The following RIN2 variants were observed in gnomAD, a reference collection of about 807,000 sequenced individuals.
RIN2 encodes Ras and Rab interactor 2.
RIN2 carries 36 observed loss-of-function variants against 78.0 expected under a neutral mutation model. The ratio of observed to expected loss-of-function variants is 0.46; its 90% confidence interval spans 0.35 to 0.61. The LOEUF (loss-of-function observed/expected upper bound fraction) is 0.61. RIN2 is among the 20% of genes least tolerant of loss of function. The pLI is 0.00. For synonymous variants in RIN2, 466 were observed against 466.8 expected (o/e 1.00, Z 0.02); for missense variants, 1,087 against 1,159.7 (o/e 0.94, Z 0.91).
At chr20:19,864,058 T>C (rs1334375666) in intron 2 of RIN2, among the ~76,000 whole-genome samples, 1 of 151,384 alleles carries the variant, frequency 6.6e-6, no homozygotes, top group Non-Finnish European at 1.5e-5. Context: ...GACACAGATA[T>C]GCATATGATA....
At chr20:19,897,715 T>TC (rs1195446204) in intron 3 of RIN2, among the ~76,000 whole-genome samples, 1 of 151,558 alleles carries the variant, frequency 6.6e-6, no homozygotes, top group Admixed American at 6.6e-5. Flanking sequence ...ACTGTTGGCT[T>TC]CTTTTTTTTT....
chr20:19,792,693 C>T (rs977288506), intron 1 of RIN2, among the ~76,000 whole-genome samples: 4 of 152,140 alleles, frequency 2.6e-5, no homozygotes, highest in Non-Finnish European at 4.4e-5. Flanking sequence ...TGCCACTGAC[C>T]AGCACATAGC....
In RIN2 at chr20:20,000,601, T is replaced by C. The variant is rs764316069; in HGVS notation, c.2365-12T>C. Reference sequence around the variant, plus strand: ...TCTTCTGACTGTCTCAACATTCCTCTTCCACCTGCAGAATTACCTCCGAGT... The same window carrying C: ...TCTTCTGACTGTCTCAACATTCCTCCTCCACCTGCAGAATTACCTCCGAGT... On this transcript the variant is annotated splice_polypyrimidine_tract_variant and intron_variant, in intron 12 of 12. Transcript: ENST00000255006. The C allele has an allele frequency of 2.5e-6, 4 of 1,580,500 alleles. No homozygotes were observed.
intron 2 of RIN2, among the ~76,000 whole-genome samples, chr20:19,854,887 G>A (rs941129073): frequency 1.3e-5 from 2 of 152,168 alleles, no homozygotes; most frequent in African/African-American, 2.4e-5. Context: ...TCTCCTGCCT[G>A]ATTGCCCTGG....
At chr20:19,822,780 A>G (rs751759597) in intron 2 of RIN2, among the ~76,000 whole-genome samples, 12 of 152,188 alleles carry the variant, frequency 7.9e-5, no homozygotes, top group Non-Finnish European at 1.5e-4. Context: ...TAATATATGC[A>G]TTATTATGGT....
chr20:19,949,982 C>T (rs570333600), intron 4 of RIN2, among the ~76,000 whole-genome samples: 2 of 152,240 alleles, frequency 1.3e-5, no homozygotes, highest in Admixed American at 6.5e-5. Flanking sequence ...CCTGCTCAGG[C>T]GACTAATGTT....
chr20:19,963,596 C>G (rs1458149931), intron 6 of RIN2, among the ~76,000 whole-genome samples: 1 of 136,336 alleles, frequency 7.3e-6, no homozygotes, highest in African/African-American at 2.8e-5. Context: ...GCAACAACAG[C>G]GAAACTCTGT....
rs77892435 is a variant in RIN2, at chr20:19,956,520, G to A, written c.159-95G>A. On this transcript the variant is annotated intron_variant, in intron 4 of 12. Transcript: ENST00000255006. ...GGCGATCACAAGATGGGGTATGTGC[G>A]GTGGCAAGCCTGGCCTATGAACTTG... The A allele has an allele frequency of 1.4e-3, 1,581 of 1,114,384 alleles. 16 individuals carry two copies. The African/African-American group carries it at 0.02, about 14-fold the overall frequency. 69.0% of individuals were successfully genotyped at this position (1,114,384 alleles called of 1,614,324 possible).
At chr20:19,990,816 A>G (rs2042776367) in intron 10 of RIN2, among the ~76,000 whole-genome samples, 1 of 152,140 alleles carries the variant, frequency 6.6e-6, no homozygotes, top group African/African-American at 2.4e-5. Context: ...TCAATGACCT[A>G]TAGTATGTGA....
At chr20:19,789,578 G>C (rs1051364578) in intron 1 of RIN2, among the ~76,000 whole-genome samples, 10 of 152,136 alleles carry the variant, frequency 6.6e-5, no homozygotes, top group African/African-American at 2.4e-4. Flanking sequence ...TTGGTATCTT[G>C]GGCATTTTAC....
intron 1 of RIN2, among the ~76,000 whole-genome samples, chr20:19,775,748 A>G (rs557522965): frequency 2.0e-5 from 3 of 152,220 alleles, no homozygotes; most frequent in Non-Finnish European, 4.4e-5. Flanking sequence ...GACAGAGTCC[A>G]AACTCCTAAG....
At chr20:19,937,909 T>C (rs888161102) in intron 4 of RIN2, among the ~76,000 whole-genome samples, 1 of 152,226 alleles carries the variant, frequency 6.6e-6, no homozygotes, top group Non-Finnish European at 1.5e-5. Context: ...TTGCCTACAA[T>C]CAAAATGGAA....
At chr20:19,992,641 A>G (rs557365390) in intron 11 of RIN2, among the ~76,000 whole-genome samples, 47 of 152,370 alleles carry the variant, frequency 3.1e-4, no homozygotes, top group Non-Finnish European at 3.4e-4. Flanking sequence ...AAGTCAGGAA[A>G]AACACAAAGA....
At chr20:19,845,942 A>C (rs946509061) in intron 2 of RIN2, among the ~76,000 whole-genome samples, 2 of 152,222 alleles carry the variant, frequency 1.3e-5, no homozygotes, top group Non-Finnish European at 2.9e-5. Context: ...AGTTTTCTGC[A>C]TATGGCTAGC....
chr20:19,830,017 A>G (rs1019090456), intron 2 of RIN2, among the ~76,000 whole-genome samples: 2 of 152,220 alleles, frequency 1.3e-5, no homozygotes, highest in Non-Finnish European at 2.9e-5. Flanking sequence ...TTTGCATCGT[A>G]TGTTGGAAAG....
At chr20:19,947,706 G>A (rs532065034) in intron 4 of RIN2, among the ~76,000 whole-genome samples, 1 of 152,246 alleles carries the variant, frequency 6.6e-6, no homozygotes, top group African/African-American at 2.4e-5. Flanking sequence ...GAGCCCTCAG[G>A]CTTCAAGAAA....
At chr20:19,996,901 C>T (rs764194553) in intron 12 of RIN2, 59 bp downstream of exon 12, 2 of 1,467,634 alleles carry the variant, frequency 1.4e-6, no homozygotes, top group Admixed American at 2.1e-5. Flanking sequence ...AGCTGGCTCA[C>T]CCAGCACATC....
chr20:19,781,705 G>C (rs1407308164), intron 1 of RIN2, among the ~76,000 whole-genome samples: 4 of 152,156 alleles, frequency 2.6e-5, no homozygotes, highest in African/African-American at 9.7e-5. Context: ...TGAGATTGAA[G>C]GCCTGAGCCA....
In RIN2 at chr20:19,971,735, A is replaced by ATTTTTTTTTTTT. The variant is rs61019165; in HGVS notation, c.628+819_628+830dup. Among the ~76,000 whole-genome samples the ATTTTTTTTTTTT allele has an allele frequency of 3.1e-4, 28 of 91,534 alleles. 1 individual carries two copies. Among genetic ancestry groups the ATTTTTTTTTTTT allele is most frequent in the African/African-American group, 1.2e-3 (24 of 20,144 alleles). The allele number at this position is 91,534 out of a possible 152,430, so 60.0% of individuals were successfully genotyped here. On this transcript the variant is annotated intron_variant, in intron 8 of 12. Coordinates refer to ENST00000255006, the MANE Select transcript of RIN2 (RefSeq NM_018993.4). ...TGAATTCCCTTCTGCTGAAACTGCA[A>ATTTTTTTTTTTT]TTTTTTTTTTTTTTTTTTTTTTTTG...
Sources: allele counts gnomAD v4.1 joint callset (sites outside exome capture counted in the v4.1 genomes callset), GRCh38; gene constraint gnomAD v4.1.1; transcripts MANE v1.5; gene names NCBI Gene and HGNC (gene_info 2026-07-23, HGNC 2026-07-21).